Variants in ITGA9 observed in about 807,000 individuals in gnomAD.
ITGA9 encodes integrin alpha-9.
In ITGA9, 56 loss-of-function variants were observed where a neutral mutation model predicts 127.8. The observed-to-expected ratio is 0.44, with a 90% CI of 0.35 to 0.55. The LOEUF is 0.55. Ranked by LOEUF, ITGA9 falls within the 20% of genes least tolerant of loss-of-function variation. The pLI, the probability that ITGA9 is intolerant of heterozygous loss-of-function variation, is 0.00. For missense variants in ITGA9, 1,196 were observed against 1,347.1 expected (o/e 0.89, Z 1.76); for synonymous variants, 508 against 514.5 (o/e 0.99, Z 0.17).
chr3:37,477,772 C>T (rs1698508707), intron 3 of ITGA9, among the ~76,000 whole-genome samples: 1 of 152,222 alleles, frequency 6.6e-6, no homozygotes, highest in Non-Finnish European at 1.5e-5. Context: ...CCCTTTTCAT[C>T]AGACTTGCCA....
chr3:37,614,678 C>G (rs1267351522), intron 15 of ITGA9, among the ~76,000 whole-genome samples: 3 of 152,118 alleles, frequency 2.0e-5, no homozygotes, highest in Non-Finnish European at 4.4e-5. Context: ...GGAGGTCCTT[C>G]ACATCCCTTG....
rs150638314 is a variant in ITGA9 at position 37,515,190 on chromosome 3, C to A, written c.1035+1290C>A. On this transcript the variant is annotated intron_variant, in intron 9 of 27. Transcript: ENST00000264741. Reference sequence around the variant, plus strand: ...GATGAAAACTGCATGTACAACCAGTCCTCAGAAATATGCCAAATACATAGA... The same window carrying A: ...GATGAAAACTGCATGTACAACCAGTACTCAGAAATATGCCAAATACATAGA... Among the ~76,000 whole-genome samples, 296 of 152,294 alleles carry A rather than the reference C, an allele frequency of 1.9e-3. 2 individuals carry two copies. The highest frequency in any genetic ancestry group is 6.5e-3 in the African/African-American group (270 of 41,554).
At chr3:37,758,119 C>A (rs572657078) in intron 23 of ITGA9, among the ~76,000 whole-genome samples, 2 of 150,052 alleles carry the variant, frequency 1.3e-5, no homozygotes, top group East Asian at 3.9e-4. Flanking sequence ...GTCAGGAGAT[C>A]GAGACCATCC....
chr3:37,478,972 T>C (rs1187677184), intron 3 of ITGA9, among the ~76,000 whole-genome samples: 1 of 152,238 alleles, frequency 6.6e-6, no homozygotes, highest in Non-Finnish European at 1.5e-5. Flanking sequence ...AGTGTCAGTG[T>C]GCAGCTGGCT....
At chr3:37,707,039 T>A (rs779546360) in intron 18 of ITGA9, among the ~76,000 whole-genome samples, 1 of 152,144 alleles carries the variant, frequency 6.6e-6, no homozygotes, top group Non-Finnish European at 1.5e-5. Context: ...AAACATTAAA[T>A]CTAAAAATGT....
intron 16 of ITGA9, among the ~76,000 whole-genome samples, chr3:37,653,231 T>G (rs1430213546): frequency 6.6e-6 from 1 of 152,214 alleles, no homozygotes; most frequent in Non-Finnish European, 1.5e-5. Flanking sequence ...CTGTTAATAC[T>G]GACAATTCAA....
intron 18 of ITGA9, among the ~76,000 whole-genome samples, chr3:37,728,294 T>C (rs920157278): frequency 1.3e-5 from 2 of 152,226 alleles, no homozygotes; most frequent in Non-Finnish European, 2.9e-5. Context: ...CAGAGCGCTC[T>C]CCACTGACAT....
At chr3:37,567,768 A>G (rs1575152677) in intron 15 of ITGA9, among the ~76,000 whole-genome samples, 1 of 152,196 alleles carries the variant, frequency 6.6e-6, no homozygotes, top group African/African-American at 2.4e-5. Context: ...TTCATGTCTC[A>G]CATCTGGGTC....
chr3:37,695,424 G>A (rs1002915253), intron 18 of ITGA9, among the ~76,000 whole-genome samples: 3 of 152,220 alleles, frequency 2.0e-5, no homozygotes, highest in African/African-American at 4.8e-5. Flanking sequence ...ATTGACAAAA[G>A]TCTTTGAACT....
At chr3:37,696,479 G>T (rs753039022) in intron 18 of ITGA9, among the ~76,000 whole-genome samples, 4 of 152,168 alleles carry the variant, frequency 2.6e-5, no homozygotes, top group Non-Finnish European at 5.9e-5. Context: ...TTGGATTTCT[G>T]TCCTTCAACA....
intron 23 of ITGA9, among the ~76,000 whole-genome samples, chr3:37,752,994 C>G (rs1389606611): frequency 6.6e-6 from 1 of 152,146 alleles, no homozygotes; most frequent in Non-Finnish European, 1.5e-5. Context: ...ACGGTGGTGG[C>G]CTGAGGAAAG....
chr3:37,637,065 G>A (rs550539690), intron 16 of ITGA9, among the ~76,000 whole-genome samples: 83 of 152,294 alleles, frequency 5.4e-4, no homozygotes, highest in Non-Finnish European at 7.3e-4. Context: ...GTCAGGTAGC[G>A]TGACGCCTCC....
chr3:37,533,321 C>T lies in ITGA9; in HGVS notation c.1381C>T (p.Pro461Ser). 1 of 1,614,190 alleles carries T rather than the reference C, an allele frequency of 6.2e-7. No homozygotes were observed. The highest frequency in any genetic ancestry group is 8.5e-7 in the Non-Finnish European group (1 of 1,180,014). The change falls in exon 14 of 28, where the codon CCT (proline) becomes TCT (serine). Residue 461 changes from proline (P) to serine (S), a missense_variant. By Grantham distance (74) the Pro-to-Ser change is moderately conservative. Transcript: ENST00000264741. ...TCCTCTCTTGCCCTGCAGAGCAAGG[C>T]CTGTCATTACGGTGGATGTCTCCAT... ...SDSVVLLRAR[P>S]VITVDVSIFL...
intron 11 of ITGA9, among the ~76,000 whole-genome samples, chr3:37,519,730 A>G (rs760320177): frequency 6.6e-6 from 1 of 152,248 alleles, no homozygotes; most frequent in Admixed American, 6.5e-5. Context: ...AAAATGGTCC[A>G]TGGTGGAGGG....
chr3:37,695,443 G>A (rs919145736), intron 18 of ITGA9, among the ~76,000 whole-genome samples: 2 of 152,202 alleles, frequency 1.3e-5, no homozygotes, highest in African/African-American at 4.8e-5. Context: ...CTCTTGAGGT[G>A]TTTGTATGAT....
At chr3:37,664,854 C>T (rs1158732969) in intron 17 of ITGA9, among the ~76,000 whole-genome samples, 4 of 151,936 alleles carry the variant, frequency 2.6e-5, no homozygotes, top group Admixed American at 6.6e-5. Flanking sequence ...TGAATAGGAA[C>T]TCATCAGAAA....
At chr3:37,569,934 T>C (rs1411940661) in intron 15 of ITGA9, among the ~76,000 whole-genome samples, 2 of 152,262 alleles carry the variant, frequency 1.3e-5, no homozygotes, top group African/African-American at 2.4e-5. Context: ...TGGTCCCTTA[T>C]ATTTCAATTA....
chr3:37,686,479 A>G (rs757397958), intron 18 of ITGA9, among the ~76,000 whole-genome samples: 1 of 152,172 alleles, frequency 6.6e-6, no homozygotes, highest in Non-Finnish European at 1.5e-5. Flanking sequence ...CATGCTGGAC[A>G]AGGAGGCTCT....
intron 18 of ITGA9, among the ~76,000 whole-genome samples, chr3:37,685,915 T>C (rs962405283): frequency 2.0e-5 from 3 of 152,208 alleles, no homozygotes; most frequent in Non-Finnish European, 1.5e-5. Flanking sequence ...TTGCTCCCCC[T>C]TTACCATGCT....
Sources: gnomAD v4.1 joint callset for allele counts (sites outside exome capture counted in the v4.1 genomes callset) on GRCh38, gnomAD v4.1.1 for gene constraint, MANE v1.5 for transcripts, NCBI Gene and HGNC (gene_info 2026-07-23, HGNC 2026-07-21) for gene names.